Variants in LOXL2 observed in about 807,000 individuals in gnomAD.
The protein encoded by LOXL2 is lysyl oxidase homolog 2.
A neutral mutation model predicts 93.0 loss-of-function variants in LOXL2; 70 were observed. The observed-to-expected ratio is 0.75, with a 90% CI of 0.62 to 0.92. The LOEUF is 0.92. Ranked by LOEUF, LOXL2 falls within the 40% of genes least tolerant of loss-of-function variation. The pLI is 0.00. For synonymous variants in LOXL2, 438 were observed against 413.2 expected, an observed-to-expected ratio of 1.06 and a Z score of -0.73; for missense variants, 973 against 1,054.9, an observed-to-expected ratio of 0.92 and a Z score of 1.08.
chr8:23,354,614 A>G (rs940691044), intron 3 of LOXL2, among the ~76,000 whole-genome samples: 1 of 144,214 alleles, frequency 6.9e-6, no homozygotes, highest in African/African-American at 2.7e-5. Context: ...GTGTTCTCAC[A>G]CACATGTGAT....
At chr8:23,320,197 C>G (rs1378474638) in intron 7 of LOXL2, 145 bp from the exon 8 acceptor site, 3 of 842,830 alleles carry the variant, frequency 3.6e-6, no homozygotes, top group Admixed American at 2.7e-5. Flanking sequence ...CTTGGGAGCC[C>G]CCGGTGGCAG....
chr8:23,379,931 GCTGCACCCACTGTC>G (rs879278332), intron 1 of LOXL2, among the ~76,000 whole-genome samples: 1 of 152,004 alleles, frequency 6.6e-6, no homozygotes, highest in Non-Finnish European at 1.5e-5. Flanking sequence ...CACTCTGCGG[GCTGCACCCACTGTC>G]CTGACCCCAC....
Position 23,319,968 on chromosome 8 carries a change from CCATCCCCCACACAA to C in LOXL2, c.1373_1386del (p.Leu458ArgfsTer87). 6.2e-7 allele frequency: 1 copy of C among 1,614,102 alleles called. No individual in the cohort carries two copies. Among genetic ancestry groups the C allele is most frequent in the Non-Finnish European group, 8.5e-7 (1 of 1,179,970 alleles). On this transcript the variant is annotated frameshift_variant, in exon 8 of 14. Transcript: ENST00000389131. LOFTEE classifies it high-confidence loss of function. ...ACGATGCCCCAGTTTTGGCCACACA[CCATCCCCCACACAA>C]GGGACCCGTTTCTCTCCACCAGCAC...
At chr8:23,390,556 G>C (rs1206677641) in intron 1 of LOXL2, among the ~76,000 whole-genome samples, 1 of 152,176 alleles carries the variant, frequency 6.6e-6, no homozygotes, top group Non-Finnish European at 1.5e-5. Flanking sequence ...GTGACCAATG[G>C]GGGTTCCCCG....
At chr8:23,356,275 T>C (rs1804196949) in intron 3 of LOXL2, among the ~76,000 whole-genome samples, 1 of 152,234 alleles carries the variant, frequency 6.6e-6, no homozygotes, top group Non-Finnish European at 1.5e-5. Flanking sequence ...GTCAGTATGT[T>C]CATGACTTCA....
intron 1 of LOXL2, among the ~76,000 whole-genome samples, chr8:23,397,809 C>T (rs1334340756): frequency 1.4e-5 from 2 of 146,752 alleles, no homozygotes; most frequent in Admixed American, 1.4e-4. Context: ...AAGAAATATG[C>T]TTTTCCGTGG....
chr8:23,349,429 C>T (rs553084135), intron 3 of LOXL2, among the ~76,000 whole-genome samples: 4 of 152,216 alleles, frequency 2.6e-5, no homozygotes, highest in African/African-American at 4.8e-5. Context: ...AATATTTGTC[C>T]AGTGCCACCA....
intron 1 of LOXL2, among the ~76,000 whole-genome samples, chr8:23,400,545 G>A (rs1800141864): frequency 6.6e-6 from 1 of 152,172 alleles, no homozygotes; most frequent in South Asian, 2.1e-4. Context: ...AGCCATATCA[G>A]GTGTTGCATA....
Position 23,328,467 on chromosome 8 carries a change from C to T in LOXL2, c.1065G>A (p.Trp355Ter). 1.9e-6 allele frequency: 3 copies of T among 1,614,108 alleles called. No individual in the cohort carries two copies. Among genetic ancestry groups the T allele is most frequent in the Non-Finnish European group, 1.7e-6 (2 of 1,180,022 alleles). Residue 355 changes from tryptophan (W) to a stop codon, truncating the protein, a stop_gained, in exon 6 of 14, where the codon TGG becomes TGA. Coordinates refer to ENST00000389131, the MANE Select transcript of LOXL2 (RefSeq NM_002318.3). LOFTEE classifies it high-confidence loss of function. ...AGACCACACTGGCCGACACCAGGTC[C>T]CACTTGTCGTCGCAGACGGTCCCCC... ...GEWGTVCDDK[W>*]DLVSASVVCR...
chr8:23,375,705 G>A (rs891939914), intron 1 of LOXL2, among the ~76,000 whole-genome samples: 2 of 150,056 alleles, frequency 1.3e-5, no homozygotes, highest in Non-Finnish European at 3.0e-5. Flanking sequence ...TCTCTTTGAA[G>A]CAATTGTGAA....
At chr8:23,312,918 A>G (rs1803340685) in intron 9 of LOXL2, among the ~76,000 whole-genome samples, 1 of 136,314 alleles carries the variant, frequency 7.3e-6, no homozygotes. Flanking sequence ...CTCAGCCCAA[A>G]ATCTCCTTAA....
At chr8:23,341,370 C>CA in intron 3 of LOXL2, 167 bp from the exon 4 acceptor site, 1 of 634,810 alleles carries the variant, frequency 1.6e-6, no homozygotes, top group East Asian at 2.7e-5. Context: ...GCACACGGCC[C>CA]AAGCTGCAGT....
rs767757279 is a variant in LOXL2, at chr8:23,367,991, G to A, written c.355+6C>T. The A allele has an allele frequency of 1.1e-5, 18 of 1,608,784 alleles. No homozygotes were observed. Among genetic ancestry groups the A allele is most frequent in the South Asian group, 2.2e-5 (2 of 90,596 alleles). ...AGCACTCAGATCCAAAGCACAGAGC[G>A]TTTACCTTCTCCCTTGCCGTAGGAG... On this transcript the variant is annotated splice_donor_region_variant and intron_variant, in intron 2 of 13. Transcript: ENST00000389131.
intron 2 of LOXL2, chr8:23,364,497 T>G (rs1349507166): frequency 6.6e-6 from 1 of 152,142 alleles, no homozygotes; most frequent in Admixed American, 6.5e-5. Context: ...GAAATTCAGT[T>G]GGAATGCCAG....
rs1229588576 is a variant in LOXL2, at chr8:23,314,914, G to A, written c.1636+2035C>T. On this transcript the variant is annotated intron_variant, in intron 9 of 13. Coordinates refer to ENST00000389131, the MANE Select transcript of LOXL2 (RefSeq NM_002318.3). ...CTGTGCCAGGCCCCTGCGGCACCAC[G>A]GAGGGTCAAAGCCAGTGTGGTGCAG... 3.9e-5 allele frequency among the ~76,000 whole-genome samples: 6 copies of A among 152,322 alleles called. No individual in the cohort carries two copies. In the South Asian group the frequency reaches 6.2e-4, roughly 16 times the overall value.
intron 7 of LOXL2, 149 bp downstream of exon 7, chr8:23,321,981 G>T: frequency 1.1e-6 from 1 of 879,430 alleles, no homozygotes; most frequent in East Asian, 2.5e-5. Flanking sequence ...AGGTTCGAGG[G>T]GGAACTAAAC....
intron 13 of LOXL2, among the ~76,000 whole-genome samples, 193 bp from the exon 14 acceptor site, chr8:23,298,315 C>T (rs1468363775): frequency 2.0e-5 from 3 of 152,170 alleles, no homozygotes; most frequent in Non-Finnish European, 4.4e-5. Context: ...GTTGAGTGAA[C>T]GAGTGAATAA....
At chr8:23,310,995 A>T (rs761729564) in intron 9 of LOXL2, among the ~76,000 whole-genome samples, 17 of 152,252 alleles carry the variant, frequency 1.1e-4, no homozygotes, top group Non-Finnish European at 1.9e-4. Flanking sequence ...TGAATCAGTG[A>T]TCACAAGATC....
chr8:23,388,069 T>C (rs1563209541), intron 1 of LOXL2, among the ~76,000 whole-genome samples: 2 of 152,224 alleles, frequency 1.3e-5, no homozygotes, highest in Admixed American at 1.3e-4. Flanking sequence ...CCAATAAAAA[T>C]AGCAGCTAAT....
Sources: gnomAD v4.1 joint callset for allele counts (sites outside exome capture counted in the v4.1 genomes callset) on GRCh38, gnomAD v4.1.1 for gene constraint, MANE v1.5 for transcripts, NCBI Gene and HGNC (gene_info 2026-07-23, HGNC 2026-07-21) for gene names.